TRIM66: variants seen among roughly 807,000 people sequenced by gnomAD.
TRIM66 encodes the protein tripartite motif-containing protein 66.
TRIM66 carries 99 observed loss-of-function variants against 148.2 expected under a neutral mutation model. The observed-to-expected ratio is 0.67, with a 90% CI of 0.57 to 0.79. The LOEUF (loss-of-function observed/expected upper bound fraction) is 0.79, where lower values mean the gene tolerates loss of function less well. TRIM66 is among the 30% of genes least tolerant of loss of function. The probability of loss-of-function intolerance (pLI) is 0.00; values close to 1 mark genes in which losing one functional copy is unlikely to be tolerated. For missense variants in TRIM66, 1,666 were observed against 1,697.9 expected (o/e 0.98, Z 0.33); for synonymous variants, 616 against 635.9 (o/e 0.97, Z 0.47).
rs564350581 is a variant in TRIM66, at chr11:8,681,376, G to A, written c.-548+1225C>T. Among the ~76,000 whole-genome samples the A allele has an allele frequency of 2.4e-3, 360 of 152,028 alleles. 1 individual carries two copies. Among genetic ancestry groups the A allele is most frequent in the Admixed American group, 2.4e-3 (37 of 15,256 alleles). ...TCTCGATCTCCTGACCTCGTGATCCGCCCGCCTCGGCCTTCCAAAGTGCTG... is the reference window on the plus strand; with the variant it reads ...TCTCGATCTCCTGACCTCGTGATCCACCCGCCTCGGCCTTCCAAAGTGCTG... On this transcript the variant is annotated intron_variant, in intron 1 of 24. Coordinates refer to ENST00000646038, the MANE Select transcript of TRIM66 (RefSeq NM_001388022.1).
chr11:8,641,283 C>T, intron 13 of TRIM66, 131 bp from the exon 14 acceptor site: 1 of 819,158 alleles, frequency 1.2e-6, no homozygotes, highest in South Asian at 1.9e-5. Flanking sequence ...AAACTCAACC[C>T]TTGATCTCCT....
intron 15 of TRIM66, among the ~76,000 whole-genome samples, chr11:8,626,493 A>C (rs1363241846): frequency 6.6e-6 from 1 of 152,192 alleles, no homozygotes; most frequent in Non-Finnish European, 1.5e-5. Flanking sequence ...AGATCCTAGG[A>C]AGGAGGCATC....
intron 10 of TRIM66, among the ~76,000 whole-genome samples, chr11:8,647,369 G>C (rs1472009013): frequency 1.3e-5 from 2 of 152,170 alleles, no homozygotes; most frequent in Non-Finnish European, 2.9e-5. Flanking sequence ...CTAGTTGTGT[G>C]ATCTCAGATG....
At chr11:8,661,986 C>T (rs993209536) in intron 6 of TRIM66, among the ~76,000 whole-genome samples, 1 of 152,208 alleles carries the variant, frequency 6.6e-6, no homozygotes, top group Admixed American at 6.5e-5. Context: ...GGGAATTGCT[C>T]TCCCAGTAAT....
At chr11:8,624,058 A>G (rs1039858635) in intron 17 of TRIM66, among the ~76,000 whole-genome samples, 1 of 152,198 alleles carries the variant, frequency 6.6e-6, no homozygotes, top group African/African-American at 2.4e-5. Context: ...TGTCAAGGCT[A>G]GCCCTCCTGG....
In TRIM66 at chr11:8,648,471, T is replaced by C. The variant is rs985904226; in HGVS notation, c.670A>G (p.Thr224Ala). 4.5e-6 allele frequency: 7 copies of C among 1,551,638 alleles called. No homozygotes were observed. In the African/African-American group the frequency reaches 9.6e-5, roughly 21 times the overall value. The part of the protein sequence containing the change: ...TQEVLKLFCE[T>A]CDMLTCHSCL... ...CTATGGCAAGTGAGCATATCACATG[T>C]CTCACAGAATAGCTTGAGTACTTCC... Residue 224 changes from threonine (T) to alanine (A), a missense_variant, in exon 9 of 25, where the codon ACA becomes GCA. Transcript: ENST00000646038.
chr11:8,618,894 C>G lies in TRIM66; in HGVS notation c.3975G>C (p.Pro1325=). ...FFEGWLKEIY[P]EKRFAQPRQE... ...GCCTTGGCTGGGCAAACCGTTTCTCCGGGTAGATCTCCTTCAACCAGCCCT... is the reference window on the plus strand; with the variant it reads ...GCCTTGGCTGGGCAAACCGTTTCTCGGGGTAGATCTCCTTCAACCAGCCCT... The change falls in exon 24 of 25, where the codon CCG becomes CCC. Residue 1325 remains proline, a synonymous_variant. Transcript: ENST00000646038. 3 of 1,551,368 alleles carry G rather than the reference C, an allele frequency of 1.9e-6. 1 individual carries two copies. The highest frequency in any genetic ancestry group is 2.6e-6 in the Non-Finnish European group (3 of 1,146,966).
At chr11:8,682,873 T>C, upstream of TRIM66, 3 of 1,573,804 alleles carry the variant, frequency 1.9e-6, no homozygotes, top group Admixed American at 5.4e-5. Context: ...CTAAGCTGTA[T>C]TCCCATTGCC....
chr11:8,652,272 G>C (rs970098169), intron 6 of TRIM66, among the ~76,000 whole-genome samples: 2 of 152,058 alleles, frequency 1.3e-5, no homozygotes, highest in South Asian at 4.1e-4. Context: ...CCCATCACTA[G>C]CCAAGATCCA....
intron 6 of TRIM66, among the ~76,000 whole-genome samples, chr11:8,652,596 T>A (rs2037453890): frequency 6.6e-6 from 1 of 152,090 alleles, no homozygotes; most frequent in Admixed American, 6.5e-5. Context: ...TCTAACATAT[T>A]CTTCAGCATA....
chr11:8,650,115 G>A lies in TRIM66; in HGVS notation c.445-228C>T, dbSNP rs545459289. On this transcript the variant is annotated intron_variant, in intron 7 of 24. Transcript: ENST00000646038. ...ACTTCAGGTATGGTGGCTCACACCT[G>A]TAACCCCAGTACTTTGGGAGGCCAA... Among the ~76,000 whole-genome samples, 223 of 152,294 alleles carry A rather than the reference G, an allele frequency of 1.5e-3. 1 individual carries two copies. The highest frequency in any genetic ancestry group is 5.2e-3 in the African/African-American group (217 of 41,564).
At chr11:8,655,689 G>T (rs1226076731) in intron 6 of TRIM66, among the ~76,000 whole-genome samples, 1 of 152,154 alleles carries the variant, frequency 6.6e-6, no homozygotes, top group Non-Finnish European at 1.5e-5. Flanking sequence ...GGCCAAGGCA[G>T]GAGAATTGCT....
chr11:8,614,643 T>C lies in TRIM66; in HGVS notation c.*3301A>G, dbSNP rs1382429013. ...GAAAGGAAGACTATAAGTGACTCCA[T>C]GGAGTGAGAGAGGGAGCAGAACAGA... On this transcript the variant is annotated 3_prime_UTR_variant, in exon 25 of 25. Coordinates refer to ENST00000646038, the MANE Select transcript of TRIM66 (RefSeq NM_001388022.1). The C allele has an allele frequency of 1.3e-5, 2 of 152,304 alleles. No homozygotes were observed. Among genetic ancestry groups the C allele is most frequent in the Admixed American group, 1.3e-4 (2 of 15,272 alleles). 9.4% of individuals were successfully genotyped at this position (152,304 alleles called of 1,614,324 possible).
At chr11:8,666,741 C>G (rs1592193076) in intron 6 of TRIM66, among the ~76,000 whole-genome samples, 1 of 152,174 alleles carries the variant, frequency 6.6e-6, no homozygotes, top group Non-Finnish European at 1.5e-5. Context: ...TATACTGACA[C>G]CAAAGCTTTT....
intron 6 of TRIM66, among the ~76,000 whole-genome samples, chr11:8,670,699 G>A (rs1284973059): frequency 6.6e-6 from 1 of 152,118 alleles, no homozygotes; most frequent in Non-Finnish European, 1.5e-5. Flanking sequence ...CACTTATAAA[G>A]ACAGTAAGAT....
At chr11:8,630,560 T>G (rs1004243588) in intron 15 of TRIM66, among the ~76,000 whole-genome samples, 1 of 152,118 alleles carries the variant, frequency 6.6e-6, no homozygotes, top group African/African-American at 2.4e-5. Context: ...CCAAAACACA[T>G]TCACTCTGAT....
chr11:8,648,007 A>G lies in TRIM66; in HGVS notation c.805T>C (p.Ser269Pro). Residue 269 changes from serine to proline, a missense_variant, in exon 10 of 25, where the codon TCC becomes CCC. This residue lies in a region of TRIM66 where 1,431 missense variants were observed against 1,412.4 expected (regional missense o/e 1.01). Transcript: ENST00000646038. ...GVTTQVAHKK[S>P]SLQTSAKQIE... ...TGCTTTGCAGATGTCTGTAGACTGG[A>G]TTTCTTATGTGCCACCTGTGTAGTC... 1 of 1,551,778 alleles carries G rather than the reference A, an allele frequency of 6.4e-7. No homozygotes were observed.
intron 6 of TRIM66, among the ~76,000 whole-genome samples, chr11:8,668,309 A>G (rs1485127557): frequency 6.6e-6 from 1 of 151,478 alleles, no homozygotes. Flanking sequence ...TATATATTCT[A>G]GATATTAACC....
intron 10 of TRIM66, among the ~76,000 whole-genome samples, chr11:8,646,859 T>A (rs1402470364): frequency 6.6e-6 from 1 of 151,852 alleles, no homozygotes; most frequent in African/African-American, 2.4e-5. Context: ...AGTATGGGAA[T>A]AATTTACTGT....
Sources: gnomAD v4.1 joint callset for allele counts (sites outside exome capture counted in the v4.1 genomes callset) on GRCh38, gnomAD v4.1.1 for gene constraint, gnomAD v4.1.1 regional missense constraint, MANE v1.5 for transcripts, NCBI Gene and HGNC (gene_info 2026-07-23, HGNC 2026-07-21) for gene names.